The following ZNF320 variants were observed in gnomAD, a reference collection of about 807,000 sequenced individuals.
The protein encoded by ZNF320 is zinc finger gene 320.
A neutral mutation model predicts 6.8 loss-of-function variants in ZNF320; 2 were observed. The ratio of observed to expected loss-of-function variants is 0.29; its 90% confidence interval spans 0.12 to 0.93. ZNF320 has a LOEUF of 0.93. Ranked by LOEUF, ZNF320 falls within the 40% of genes least tolerant of loss-of-function variation. The pLI, the probability that ZNF320 is intolerant of heterozygous loss-of-function variation, is 0.55. For synonymous variants in ZNF320, 208 were observed against 203.2 expected, an observed-to-expected ratio of 1.02 and a Z score of -0.20; for missense variants, 472 against 611.0, an observed-to-expected ratio of 0.77 and a Z score of 2.40.
rs965184791 is a variant in ZNF320 at position 52,881,560 on chromosome 19, T to C, written c.566A>G (p.Tyr189Cys). ...HRIIHTGEKPYKCKVCDKAFK... is the reference protein window; with the variant it reads ...HRIIHTGEKPCKCKVCDKAFK... The stretch of plus-strand genomic sequence containing the variant: ...AGCCTTGTCGCAAACCTTACATTTG[T>C]ATGGTTTCTCTCCAGTATGAATTAT... Residue 189 changes from tyrosine to cysteine, a missense_variant, in exon 6 of 6, where the codon TAC becomes TGC. Tyr to Cys is a radical substitution (Grantham distance 194, BLOSUM62 -2). Transcript: ENST00000682928. The C allele has an allele frequency of 6.2e-7, 1 of 1,614,150 alleles. No individual in the cohort carries two copies. The highest frequency in any genetic ancestry group is 8.5e-7 in the Non-Finnish European group (1 of 1,180,022).
rs887749465 is a variant in ZNF320 at position 52,890,842 on chromosome 19, C to T, written c.-74+387G>A. 6.1e-4 allele frequency among the ~76,000 whole-genome samples: 93 copies of T among 151,986 alleles called. 1 individual carries two copies. Among genetic ancestry groups the T allele is most frequent in the Non-Finnish European group, 2.4e-4 (16 of 68,014 alleles). ...CCAGCCTGGCCAACATGGTGAAACC[C>T]TGTCCCTACTAAAAATACAAAAATT... On this transcript the variant is annotated intron_variant, in intron 3 of 5. Coordinates refer to ENST00000682928, the MANE Select transcript of ZNF320 (RefSeq NM_001351774.2).
chr19:52,881,621 C>G lies in ZNF320; in HGVS notation c.505G>C (p.Val169Leu), dbSNP rs1220956344. Residue 169 changes from valine (V) to leucine (L), a missense_variant, in exon 6 of 6, where the codon GTT becomes CTT. Physicochemically the swap from Val to Leu is conservative, Grantham distance 32 (BLOSUM62 1). Transcript: ENST00000682928. ...TCAAGATGTGATTTGCAACTGAAAA[C>G]TTTCTCACATTCTTCACATTTGTAA... ...KPYKCEECEK[V>L]FSCKSHLEIH... 3 of 1,613,926 alleles carry G rather than the reference C, an allele frequency of 1.9e-6. No homozygotes were observed. Among genetic ancestry groups the G allele is most frequent in the African/African-American group, 2.7e-5 (2 of 74,994 alleles).
rs533770016 is a variant in ZNF320 at position 52,890,343 on chromosome 19, T to C, written c.-73-15A>G. 14 of 1,522,970 alleles carry C rather than the reference T, an allele frequency of 9.2e-6. No individual in the cohort carries two copies. The highest frequency in any genetic ancestry group is 1.4e-5 in the African/African-American group (1 of 72,328). The allele number at this position is 1,522,970 out of a possible 1,614,324, so 94.3% of individuals were successfully genotyped here. A position where few individuals can be genotyped will look rare whatever the true frequency, so the allele number is the denominator to read the frequency against. On this transcript the variant is annotated splice_polypyrimidine_tract_variant and intron_variant, in intron 3 of 5. Coordinates refer to ENST00000682928, the MANE Select transcript of ZNF320 (RefSeq NM_001351774.2). The stretch of plus-strand genomic sequence containing the variant: ...AGAAGTCAATCCTAAATGTTAGAAA[T>C]ATGTTGTTTATCACTGAGAATCAAC...
chr19:52,898,962 T>C (rs774878785), upstream of ZNF320, among the ~76,000 whole-genome samples: 7 of 152,244 alleles, frequency 4.6e-5, no homozygotes, highest in Non-Finnish European at 8.8e-5. Context: ...AGGTACTGAG[T>C]ATAAAACAAT....
chr19:52,896,420 A>G (rs1400372090), intron 1 of ZNF320, among the ~76,000 whole-genome samples: 1 of 152,174 alleles, frequency 6.6e-6, no homozygotes, highest in Non-Finnish European at 1.5e-5. Flanking sequence ...TTTTTAATTA[A>G]GAAACAAGGC....
chr19:52,900,911 TA>T (rs1478643412), upstream of ZNF320, among the ~76,000 whole-genome samples: 4 of 111,858 alleles, frequency 3.6e-5, no homozygotes, highest in South Asian at 9.5e-4. Context: ...CAGATATACT[TA>T]TTTTTTTTTT....
intron 5 of ZNF320, among the ~76,000 whole-genome samples, chr19:52,870,827 C>T (rs2063668231): frequency 6.6e-6 from 1 of 152,162 alleles, no homozygotes; most frequent in African/African-American, 2.4e-5. Context: ...TGTATCTTCA[C>T]TTTCCATTCC....
chr19:52,861,171 C>G (rs2063485151), exon 6 of ZNF320, among the ~76,000 whole-genome samples: 1 of 152,114 alleles, frequency 6.6e-6, no homozygotes, highest in African/African-American at 2.4e-5. Context: ...AGTGGATTTG[C>G]AGAATACAAT....
downstream of ZNF320, among the ~76,000 whole-genome samples, chr19:52,859,605 A>T (rs1018719659): frequency 5.3e-5 from 8 of 152,356 alleles, no homozygotes; most frequent in African/African-American, 1.9e-4. Flanking sequence ...GGTTTCACAC[A>T]CAGGGAAAGA....
chr19:52,900,306 G>A (rs2064567350), upstream of ZNF320, among the ~76,000 whole-genome samples: 1 of 152,182 alleles, frequency 6.6e-6, no homozygotes, highest in Admixed American at 6.6e-5. Context: ...CAACTAAGCC[G>A]CCTTACAGGA....
intron 2 of ZNF320, among the ~76,000 whole-genome samples, chr19:52,893,152 C>T (rs1212397736): frequency 6.6e-6 from 1 of 151,994 alleles, no homozygotes; most frequent in African/African-American, 2.4e-5. Flanking sequence ...CCCACACAAT[C>T]ACAGGAGGGT....
At chr19:52,866,697 G>A (rs1025290983) in intron 5 of ZNF320, among the ~76,000 whole-genome samples, 2 of 151,682 alleles carry the variant, frequency 1.3e-5, no homozygotes, top group Admixed American at 1.3e-4. Context: ...ATGGAGAAAC[G>A]CCATCTCTAC....
At chr19:52,864,107 T>G (rs1322053517) in exon 6 of ZNF320, 2 of 346,044 alleles carry the variant, frequency 5.8e-6, no homozygotes, top group South Asian at 5.4e-5. Context: ...GTCCAGGCGT[T>G]TCCACTCCAG....
At chr19:52,898,172 A>G (rs1399361098), upstream of ZNF320, among the ~76,000 whole-genome samples, 1 of 152,202 alleles carries the variant, frequency 6.6e-6, no homozygotes, top group Non-Finnish European at 1.5e-5. Context: ...GACGGCCCAC[A>G]GAACAGAATA....
At chr19:52,902,820 A>C in the ZNF320 span, among the ~76,000 whole-genome samples, 1 of 152,152 alleles carries the variant, frequency 6.6e-6, no homozygotes, top group East Asian at 1.9e-4. Flanking sequence ...ATTTTTGTTA[A>C]AGAGCAGGTT....
chr19:52,873,484 G>T (rs995137634), downstream of ZNF320, among the ~76,000 whole-genome samples: 2 of 152,202 alleles, frequency 1.3e-5, no homozygotes, highest in African/African-American at 2.4e-5. Flanking sequence ...TGAGCACAGG[G>T]TTGGGGCTAA....
upstream of ZNF320, among the ~76,000 whole-genome samples, chr19:52,898,741 G>A (rs952203216): frequency 1.3e-5 from 2 of 152,224 alleles, no homozygotes; most frequent in Non-Finnish European, 2.9e-5. Context: ...GGGGATGCAT[G>A]CACCGGTGGT....
At position 52,897,597 on chromosome 19, in the gene ZNF320, A is replaced by G. The variant is rs1471562890; in HGVS notation, c.-347T>C. The stretch of plus-strand genomic sequence containing the variant: ...TCTGTGGGGACTCAACGTCCCCGGT[A>G]TAGCAGCACCACAGGACTGGGAAGC... On this transcript the variant is annotated 5_prime_UTR_variant, in exon 1 of 6. Transcript: ENST00000682928. The G allele has an allele frequency of 6.6e-6, 1 of 152,214 alleles. No individual in the cohort carries two copies. Among genetic ancestry groups the G allele is most frequent in the Admixed American group, 6.5e-5 (1 of 15,274 alleles). The allele number at this position is 152,214 out of a possible 1,614,324, so 9.4% of individuals were successfully genotyped here. A position where few individuals can be genotyped will look rare whatever the true frequency, so the allele number is the denominator to read the frequency against.
chr19:52,868,296 C>T lies in ZNF320; in HGVS notation c.224-4137G>A, dbSNP rs55893120. On this transcript the variant is annotated intron_variant, in intron 5 of 5. Coordinates refer to the ZNF320 transcript ENST00000673631. ...CCGCGGTGGGTGGATCACCTGAGGTCGGGAGTTCGAGAGCAGTCTGACTGA... is the reference window on the plus strand; with the variant it reads ...CCGCGGTGGGTGGATCACCTGAGGTTGGGAGTTCGAGAGCAGTCTGACTGA... 3.9e-5 allele frequency among the ~76,000 whole-genome samples: 6 copies of T among 152,104 alleles called. No individual in the cohort carries two copies. The East Asian group carries it at 7.8e-4, about 20-fold the overall frequency.
Sources: gnomAD v4.1 joint callset for allele counts (sites outside exome capture counted in the v4.1 genomes callset) on GRCh38, gnomAD v4.1.1 for gene constraint, MANE v1.5 for transcripts, NCBI Gene and HGNC (gene_info 2026-07-23, HGNC 2026-07-21) for gene names.